PARD3: variants seen among roughly 807,000 people sequenced by gnomAD.
PARD3 encodes partitioning defective 3 homolog.
In PARD3, 75 loss-of-function variants were observed where a neutral mutation model predicts 155.4. The ratio of observed to expected loss-of-function variants is 0.48; its 90% CI spans 0.40 to 0.58. The LOEUF (loss-of-function observed/expected upper bound fraction) is 0.58, where lower values mean the gene tolerates loss of function less well. Among genes scored for constraint, PARD3 ranks in the 20% least tolerant of loss-of-function variants. The pLI is 0.00. For synonymous variants in PARD3, 576 were observed against 610.5 expected (o/e 0.94, Z 0.83); for missense variants, 1,642 against 1,721.7 (o/e 0.95, Z 0.82).
At chr10:34,336,286 C>A in intron 17 of PARD3, 43 bp from the exon 18 acceptor site, 2 of 1,422,148 alleles carry the variant, frequency 1.4e-6, no homozygotes, top group South Asian at 1.2e-5. Flanking sequence ...AGTTAGTTCC[C>A]ATAGCCCACC....
At chr10:34,548,245 T>C (rs375433426) in intron 2 of PARD3, among the ~76,000 whole-genome samples, 7 of 152,016 alleles carry the variant, frequency 4.6e-5, no homozygotes, top group African/African-American at 7.3e-5. Context: ...TCCCAACACA[T>C]TGGGAGGCTG....
chr10:34,488,166 T>C (rs2079601814), intron 3 of PARD3, among the ~76,000 whole-genome samples: 1 of 152,226 alleles, frequency 6.6e-6, no homozygotes, highest in South Asian at 2.1e-4. Context: ...ATTATCCCAG[T>C]GTATGTTGAC....
intron 22 of PARD3, among the ~76,000 whole-genome samples, chr10:34,258,327 CAGA>C (rs1485537586): frequency 3.3e-5 from 5 of 151,990 alleles, no homozygotes; most frequent in Non-Finnish European, 7.4e-5. Context: ...GGCCGCACGA[CAGA>C]AGGAGAGAAG....
intron 19 of PARD3, among the ~76,000 whole-genome samples, chr10:34,323,638 T>G (rs1003937573): frequency 3.9e-5 from 6 of 152,102 alleles, no homozygotes; most frequent in Admixed American, 3.9e-4. Flanking sequence ...TTTTAAAGAG[T>G]TATTACCAAA....
intron 10 of PARD3, among the ~76,000 whole-genome samples, chr10:34,377,448 G>C (rs1841361966): frequency 6.6e-6 from 1 of 152,116 alleles, no homozygotes; most frequent in African/African-American, 2.4e-5. Flanking sequence ...AAATTAGCCA[G>C]GCATGGTGGT....
intron 23 of PARD3, among the ~76,000 whole-genome samples, chr10:34,131,077 C>G (rs369553569): frequency 1.3e-5 from 2 of 152,100 alleles, no homozygotes; most frequent in South Asian, 2.1e-4. Context: ...AAAAGAATTA[C>G]TAAACACTGT....
At chr10:34,304,975 T>C (rs766652941) in intron 20 of PARD3, among the ~76,000 whole-genome samples, 17 of 152,130 alleles carry the variant, frequency 1.1e-4, no homozygotes, top group Non-Finnish European at 2.4e-4. Context: ...GCCAGGAGAG[T>C]GGAAATTGAG....
intron 1 of PARD3, among the ~76,000 whole-genome samples, chr10:34,742,063 T>C (rs2095028609): frequency 6.6e-6 from 1 of 152,238 alleles, no homozygotes. Flanking sequence ...GTGTTTGTAC[T>C]TCTTTTGTCT....
rs1294565906 is a variant in PARD3 at position 34,806,594 on chromosome 10, G to C, written c.120+8282C>G. 7.2e-5 allele frequency among the ~76,000 whole-genome samples: 11 copies of C among 152,278 alleles called. No homozygotes were observed. The East Asian group carries it at 2.1e-3, about 29-fold the overall frequency. On this transcript the variant is annotated intron_variant, in intron 1 of 24. Transcript: ENST00000374788. ...AATCCTCCCACCTCAGCTTCCCAAA[G>C]CTCTGGGATTACAGGCGTGAGCCTT...
intron 22 of PARD3, among the ~76,000 whole-genome samples, chr10:34,252,347 G>A (rs1224878858): frequency 2.0e-5 from 3 of 152,106 alleles, no homozygotes; most frequent in Non-Finnish European, 4.4e-5. Context: ...AGGCTCCTGT[G>A]ACGTCCCAGA....
At chr10:34,710,197 TTCAA>T (rs1173685062) in intron 1 of PARD3, among the ~76,000 whole-genome samples, 1 of 152,172 alleles carries the variant, frequency 6.6e-6, no homozygotes, top group Non-Finnish European at 1.5e-5. Context: ...GTTGAACACA[TTCAA>T]TCAATTAAAC....
At chr10:34,328,402 G>A (rs1396661921) in intron 19 of PARD3, among the ~76,000 whole-genome samples, 1 of 152,144 alleles carries the variant, frequency 6.6e-6, no homozygotes, top group African/African-American at 2.4e-5. Flanking sequence ...TAGAATCATG[G>A]AATGTTAAAC....
chr10:34,302,998 T>C (rs1383171869), intron 20 of PARD3, among the ~76,000 whole-genome samples: 1 of 152,024 alleles, frequency 6.6e-6, no homozygotes, highest in Admixed American at 6.6e-5. Flanking sequence ...TAAATATTTG[T>C]TGAATGTATG....
At chr10:34,480,864 C>T (rs1372912984) in intron 3 of PARD3, among the ~76,000 whole-genome samples, 6 of 145,274 alleles carry the variant, frequency 4.1e-5, no homozygotes, top group African/African-American at 1.0e-4. Context: ...TGCAGTGGCG[C>T]GATATCGGCT....
At chr10:34,386,095 T>A (rs1440556861) in intron 7 of PARD3, among the ~76,000 whole-genome samples, 2 of 152,186 alleles carry the variant, frequency 1.3e-5, no homozygotes, top group Non-Finnish European at 2.9e-5. Context: ...ATTAGTAAGG[T>A]CAACGATTAA....
intron 22 of PARD3, among the ~76,000 whole-genome samples, chr10:34,233,025 T>A (rs992247654): frequency 3.5e-5 from 5 of 141,828 alleles, no homozygotes; most frequent in Admixed American, 7.1e-5. Context: ...TAATTTTTTT[T>A]TTTTTTTTTT....
intron 22 of PARD3, among the ~76,000 whole-genome samples, chr10:34,134,776 G>A (rs1292362241): frequency 6.6e-6 from 1 of 152,216 alleles, no homozygotes; most frequent in Non-Finnish European, 1.5e-5. Flanking sequence ...TCCAAAGACT[G>A]GAAGACCGTC....
chr10:34,219,254 A>AG (rs1341275690), intron 22 of PARD3, among the ~76,000 whole-genome samples: 2 of 152,216 alleles, frequency 1.3e-5, no homozygotes, highest in Non-Finnish European at 2.9e-5. Context: ...ACTGTGGCAG[A>AG]GGGGCCTGGC....
At chr10:34,166,802 A>C (rs1949549712) in intron 22 of PARD3, among the ~76,000 whole-genome samples, 1 of 152,120 alleles carries the variant, frequency 6.6e-6, no homozygotes, top group Non-Finnish European at 1.5e-5. Flanking sequence ...TTTTAAGAAC[A>C]CCAACTAAAC....
Sources: gnomAD v4.1 joint callset for allele counts (sites outside exome capture counted in the v4.1 genomes callset) on GRCh38, gnomAD v4.1.1 for gene constraint, MANE v1.5 for transcripts, NCBI Gene and HGNC (gene_info 2026-07-23, HGNC 2026-07-21) for gene names.